SCD5: variants seen among roughly 807,000 people sequenced by gnomAD.
SCD5 encodes acyl-CoA-desaturase 4.
In SCD5, 20 loss-of-function variants were observed where a neutral mutation model predicts 30.4. The observed-to-expected ratio is 0.66, with a 90% confidence interval of 0.46 to 0.96. The LOEUF (loss-of-function observed/expected upper bound fraction) is 0.96. Among genes scored for constraint, SCD5 ranks in the 40% least tolerant of loss-of-function variants. SCD5 has a pLI of 0.00. For missense variants in SCD5, 381 were observed against 443.3 expected, an observed-to-expected ratio of 0.86 and a Z score of 1.26; for synonymous variants, 173 against 176.4, an observed-to-expected ratio of 0.98 and a Z score of 0.16.
chr4:82,729,010 T>C (rs139215706), intron 1 of SCD5, among the ~76,000 whole-genome samples: 1,553 of 152,148 alleles, frequency 0.01, 28 homozygotes, highest in African/African-American at 0.036. Context: ...GGAATGGGAA[T>C]TTTCCAGGCA....
At chr4:82,642,645 C>T (rs1375915000) in intron 3 of SCD5, among the ~76,000 whole-genome samples, 1 of 152,220 alleles carries the variant, frequency 6.6e-6, no homozygotes, top group Non-Finnish European at 1.5e-5. Context: ...TTGTCCTTCT[C>T]ATCTCTCAGT....
intron 4 of SCD5, among the ~76,000 whole-genome samples, chr4:82,634,285 G>T (rs1727378007): frequency 6.6e-6 from 1 of 152,104 alleles, no homozygotes; most frequent in Non-Finnish European, 1.5e-5. Flanking sequence ...GGAGTTGCTG[G>T]ATCACATAGT....
chr4:82,785,943 C>T (rs1234011115), intron 1 of SCD5, among the ~76,000 whole-genome samples: 1 of 152,228 alleles, frequency 6.6e-6, no homozygotes, highest in Admixed American at 6.5e-5. Flanking sequence ...TTGTAACCAT[C>T]TGCAAAAGCT....
chr4:82,773,949 C>A (rs375814118), intron 1 of SCD5, among the ~76,000 whole-genome samples: 132 of 152,084 alleles, frequency 8.7e-4, no homozygotes, highest in African/African-American at 2.9e-3. Context: ...ATTAGCCTGG[C>A]ATGGTGGCGC....
chr4:82,639,525 A>C (rs1339708679), intron 3 of SCD5, among the ~76,000 whole-genome samples: 1 of 152,202 alleles, frequency 6.6e-6, no homozygotes, highest in Non-Finnish European at 1.5e-5. Flanking sequence ...GGGAGGGCAA[A>C]TGCTTGGGCG....
Position 82,679,287 on chromosome 4 carries a change from G to GAAA in SCD5, c.569+1419_569+1420insTTT, listed in dbSNP as rs1560531781. Among the ~76,000 whole-genome samples the GAAA allele has an allele frequency of 7.9e-5, 10 of 126,294 alleles. 1 individual carries two copies. The highest frequency in any genetic ancestry group is 2.6e-4 in the African/African-American group (9 of 34,540). The allele number at this position is 126,294 out of a possible 152,430, so 82.9% of individuals were successfully genotyped here. On this transcript the variant is annotated intron_variant, in intron 3 of 4. Coordinates refer to ENST00000319540, the MANE Select transcript of SCD5 (RefSeq NM_001037582.3). ...AGGAAGGAAAGAAAGAAAGAAGGAA[G>GAAA]GAAAGAAAGAAAGAAAACATCTTGT...
At position 82,631,255 on chromosome 4, in the gene SCD5, C is replaced by A; in HGVS notation, c.*72G>T. On this transcript the variant is annotated 3_prime_UTR_variant, in exon 5 of 5. Coordinates refer to ENST00000319540, the MANE Select transcript of SCD5 (RefSeq NM_001037582.3). ...CTGCCCCCTCCCACGATCCAATGTA[C>A]AAGAGAGCTATTGTAACCAAAGCCA... The A allele has an allele frequency of 7.2e-7, 1 of 1,392,208 alleles. No homozygotes were observed. Among genetic ancestry groups the A allele is most frequent in the Non-Finnish European group, 9.9e-7 (1 of 1,009,190 alleles). The allele number at this position is 1,392,208 out of a possible 1,614,324, so 86.2% of individuals were successfully genotyped here. A position where few individuals can be genotyped will look rare whatever the true frequency, so the allele number is the denominator to read the frequency against.
At chr4:82,791,496 A>G (rs1388451318) in intron 1 of SCD5, among the ~76,000 whole-genome samples, 1 of 152,132 alleles carries the variant, frequency 6.6e-6, no homozygotes, top group Non-Finnish European at 1.5e-5. Flanking sequence ...GGCTGGCTAG[A>G]GTGTCTCGCT....
chr4:82,717,117 A>AAT, intron 1 of SCD5, among the ~76,000 whole-genome samples: 1 of 151,756 alleles, frequency 6.6e-6, no homozygotes, highest in South Asian at 2.1e-4. Flanking sequence ...ATACATACTG[A>AAT]AGGATCACTG....
intron 1 of SCD5, among the ~76,000 whole-genome samples, chr4:82,726,917 C>T (rs1275321127): frequency 6.6e-6 from 1 of 152,176 alleles, no homozygotes; most frequent in African/African-American, 2.4e-5. Flanking sequence ...TCTCCTTTCT[C>T]CTCTACATTT....
At position 82,630,417 on chromosome 4, in the gene SCD5, TTC is replaced by T. The variant is rs941821654; in HGVS notation, c.*908_*909del. Reference sequence around the variant, plus strand: ...TCTTTAGTTACCACATAGATCCCCCTTCTGTCTTCTACCCTGCCTCTCTGCTC... The same window carrying T: ...TCTTTAGTTACCACATAGATCCCCCTTGTCTTCTACCCTGCCTCTCTGCTC... On this transcript the variant is annotated 3_prime_UTR_variant, in exon 5 of 5. Coordinates refer to ENST00000319540, the MANE Select transcript of SCD5 (RefSeq NM_001037582.3). The T allele has an allele frequency of 6.6e-6, 1 of 152,232 alleles. No homozygotes were observed. Among genetic ancestry groups the T allele is most frequent in the Admixed American group, 6.5e-5 (1 of 15,288 alleles). 9.4% of individuals were successfully genotyped at this position (152,232 alleles called of 1,614,324 possible). A position where few individuals can be genotyped will look rare whatever the true frequency, so the allele number is the denominator to read the frequency against.
chr4:82,791,544 T>G (rs1722099370), intron 1 of SCD5, among the ~76,000 whole-genome samples: 1 of 152,050 alleles, frequency 6.6e-6, no homozygotes, highest in Non-Finnish European at 1.5e-5. Flanking sequence ...ATGAGCGAAG[T>G]GAAACACTAA....
intron 2 of SCD5, among the ~76,000 whole-genome samples, chr4:82,690,931 T>G (rs1366366985): frequency 6.6e-6 from 1 of 152,202 alleles, no homozygotes; most frequent in Non-Finnish European, 1.5e-5. Flanking sequence ...CGAAATAATT[T>G]TAGACTGGGA....
chr4:82,685,245 G>A (rs1728675724), intron 2 of SCD5, among the ~76,000 whole-genome samples: 1 of 152,134 alleles, frequency 6.6e-6, no homozygotes, highest in African/African-American at 2.4e-5. Context: ...CAAATCCGGA[G>A]TGTAGAGCTC....
At chr4:82,745,768 G>C (rs1458140063) in intron 1 of SCD5, among the ~76,000 whole-genome samples, 1 of 152,170 alleles carries the variant, frequency 6.6e-6, no homozygotes, top group East Asian at 1.9e-4. Context: ...AAAGTATGGA[G>C]TATGGACTCA....
chr4:82,639,107 A>G (rs776303014), intron 3 of SCD5, among the ~76,000 whole-genome samples: 6 of 152,222 alleles, frequency 3.9e-5, no homozygotes, highest in Admixed American at 1.3e-4. Context: ...CTAGCTGTGC[A>G]TGTGTCAGCT....
chr4:82,639,528 C>T (rs186455501), intron 3 of SCD5, among the ~76,000 whole-genome samples: 8 of 152,370 alleles, frequency 5.3e-5, no homozygotes, highest in Non-Finnish European at 8.8e-5. Context: ...AGGGCAAATG[C>T]TTGGGCGAGG....
intron 1 of SCD5, among the ~76,000 whole-genome samples, chr4:82,711,360 CT>C (rs1720082832): frequency 6.6e-6 from 1 of 152,106 alleles, no homozygotes; most frequent in Admixed American, 6.5e-5. Flanking sequence ...TTACTGGCAT[CT>C]AGTGGGTGGA....
At chr4:82,703,532 G>A (rs565806892) in intron 2 of SCD5, among the ~76,000 whole-genome samples, 4 of 152,304 alleles carry the variant, frequency 2.6e-5, no homozygotes, top group East Asian at 1.9e-4. Flanking sequence ...AAATGGCAGA[G>A]CAAAGAATTT....
Sources: gnomAD v4.1 joint callset for allele counts (sites outside exome capture counted in the v4.1 genomes callset) on GRCh38, gnomAD v4.1.1 for gene constraint, MANE v1.5 for transcripts, NCBI Gene and HGNC (gene_info 2026-07-23, HGNC 2026-07-21) for gene names.